CPNE8: variants seen among roughly 807,000 people sequenced by gnomAD.
CPNE8 encodes the protein copine 8, also known as copine-8.
A neutral mutation model predicts 81.5 loss-of-function variants in CPNE8; 45 were observed. The observed-to-expected ratio is 0.55, with a 90% CI of 0.44 to 0.71. The LOEUF (loss-of-function observed/expected upper bound fraction) is 0.71. Among genes scored for constraint, CPNE8 ranks in the 30% least tolerant of loss-of-function variants. The probability of loss-of-function intolerance (pLI) is 0.00; values close to 1 mark genes in which losing one functional copy is unlikely to be tolerated. For missense variants in CPNE8, 594 were observed against 672.1 expected (o/e 0.88, Z 1.28); for synonymous variants, 252 against 226.3 (o/e 1.11, Z -1.02).
At chr12:38,744,450 C>T (rs573320533) in intron 10 of CPNE8, among the ~76,000 whole-genome samples, 15 of 152,302 alleles carry the variant, frequency 9.8e-5, no homozygotes, top group East Asian at 1.9e-4. Flanking sequence ...AAGTCAGCAA[C>T]GCCTTATTCT....
chr12:38,872,213 A>C (rs912246303), intron 3 of CPNE8, among the ~76,000 whole-genome samples: 10 of 152,332 alleles, frequency 6.6e-5, no homozygotes, highest in Admixed American at 3.9e-4. Flanking sequence ...GCTCATTATC[A>C]GTAGAAACAA....
chr12:38,844,566 G>A (rs936843873), intron 4 of CPNE8, among the ~76,000 whole-genome samples: 3 of 152,014 alleles, frequency 2.0e-5, no homozygotes, highest in African/African-American at 7.2e-5. Context: ...ACTTATAGCC[G>A]ATAAGGTAAT....
chr12:38,682,866 T>G (rs1939441708), intron 16 of CPNE8, among the ~76,000 whole-genome samples: 1 of 152,150 alleles, frequency 6.6e-6, no homozygotes, highest in Admixed American at 6.5e-5. Flanking sequence ...GAATACTGGA[T>G]GTTCTTGAAT....
At chr12:38,730,393 T>C (rs1458815562) in intron 10 of CPNE8, 35 bp from the exon 11 acceptor site, 1 of 1,194,308 alleles carries the variant, frequency 8.4e-7, no homozygotes, top group Admixed American at 1.8e-5. Context: ...TAATATTGGC[T>C]TTCATATATT....
chr12:38,765,318 T>C (rs1360459424), intron 8 of CPNE8, among the ~76,000 whole-genome samples: 1 of 152,148 alleles, frequency 6.6e-6, no homozygotes, highest in Non-Finnish European at 1.5e-5. Context: ...TTTTATTGAA[T>C]AACTGGTATT....
intron 3 of CPNE8, among the ~76,000 whole-genome samples, chr12:38,855,828 C>A (rs961612460): frequency 6.6e-6 from 1 of 151,628 alleles, no homozygotes; most frequent in Non-Finnish European, 1.5e-5. Flanking sequence ...ACATTGTATC[C>A]CATAAATATA....
chr12:38,831,407 T>A (rs1426130957), intron 5 of CPNE8, among the ~76,000 whole-genome samples: 1 of 152,082 alleles, frequency 6.6e-6, no homozygotes, highest in African/African-American at 2.4e-5. Flanking sequence ...GGAAAAAAAC[T>A]AGAAGCCAGA....
intron 1 of CPNE8, among the ~76,000 whole-genome samples, chr12:38,879,473 T>C (rs1306287335): frequency 6.6e-6 from 1 of 152,160 alleles, no homozygotes; most frequent in Non-Finnish European, 1.5e-5. Flanking sequence ...CTAAGTATTT[T>C]GTCTATTATA....
chr12:38,799,914 G>A (rs148637213), intron 6 of CPNE8, among the ~76,000 whole-genome samples: 3,263 of 151,782 alleles, frequency 0.021, 121 homozygotes, highest in African/African-American at 0.074. Flanking sequence ...CTGGAAAATC[G>A]GGTCACTCCC....
At chr12:38,767,164 AT>A (rs1485833244) in intron 8 of CPNE8, among the ~76,000 whole-genome samples, 2 of 152,232 alleles carry the variant, frequency 1.3e-5, no homozygotes, top group Admixed American at 1.3e-4. Context: ...TTCAAAATTT[AT>A]AGAAACTAGT....
intron 14 of CPNE8, among the ~76,000 whole-genome samples, chr12:38,702,395 A>G (rs1939969308): frequency 6.6e-6 from 1 of 152,160 alleles, no homozygotes; most frequent in Admixed American, 6.5e-5. Flanking sequence ...ATAAGTAATT[A>G]TTAAAAATTA....
chr12:38,808,249 C>T (rs1255831334), intron 6 of CPNE8, among the ~76,000 whole-genome samples: 1 of 152,146 alleles, frequency 6.6e-6, no homozygotes, highest in Admixed American at 6.5e-5. Flanking sequence ...CATCCTATTA[C>T]TGGTTATATA....
At chr12:38,903,959 A>T (rs1288169186) in intron 1 of CPNE8, among the ~76,000 whole-genome samples, 1 of 152,166 alleles carries the variant, frequency 6.6e-6, no homozygotes, top group Non-Finnish European at 1.5e-5. Flanking sequence ...ATCAGGTGAT[A>T]TAGTTTCAGG....
intron 14 of CPNE8, among the ~76,000 whole-genome samples, chr12:38,701,741 G>A (rs369266617): frequency 4.6e-5 from 7 of 152,030 alleles, no homozygotes; most frequent in East Asian, 1.9e-4. Context: ...TGATCTGCCC[G>A]CCTCAGCCTC....
chr12:38,686,977 C>T lies in CPNE8; in HGVS notation c.1144-1360G>A, dbSNP rs1025908740. On this transcript the variant is annotated intron_variant, in intron 15 of 19. Coordinates refer to ENST00000331366, the MANE Select transcript of CPNE8 (RefSeq NM_153634.3). The stretch of plus-strand genomic sequence containing the variant: ...TTCACACTTGAGAAAAAGAAGATAG[C>T]CTCCACTTCAGGAAGGGGAATATCT... Among the ~76,000 whole-genome samples, 42 of 152,116 alleles carry T rather than the reference C, an allele frequency of 2.8e-4. 1 individual carries two copies. Among genetic ancestry groups the T allele is most frequent in the Non-Finnish European group, 7.4e-5 (5 of 68,026 alleles).
intron 1 of CPNE8, among the ~76,000 whole-genome samples, chr12:38,885,170 T>A (rs1944220690): frequency 6.6e-6 from 1 of 152,186 alleles, no homozygotes; most frequent in Non-Finnish European, 1.5e-5. Context: ...TTTAAACTTA[T>A]ATACAGAAAA....
intron 10 of CPNE8, among the ~76,000 whole-genome samples, chr12:38,748,535 C>T (rs148585455): frequency 0.047 from 7,203 of 151,874 alleles, 577 homozygotes; most frequent in African/African-American, 0.16. Flanking sequence ...GAGTCTCGCT[C>T]TGTCGCCCAG....
At chr12:38,697,423 G>T (rs549952300) in intron 14 of CPNE8, among the ~76,000 whole-genome samples, 2 of 151,966 alleles carry the variant, frequency 1.3e-5, no homozygotes, top group African/African-American at 2.4e-5. Flanking sequence ...TAGACATTTG[G>T]GTTGCTTCCA....
chr12:38,902,232 G>GGAAA (rs71449477), intron 1 of CPNE8, among the ~76,000 whole-genome samples: 3,815 of 89,636 alleles, frequency 0.043, 185 homozygotes, highest in African/African-American at 0.13. Flanking sequence ...AGAGAAAGAA[G>GGAAA]GAAAGAAAGA....
Sources: allele counts gnomAD v4.1 joint callset (sites outside exome capture counted in the v4.1 genomes callset), GRCh38; gene constraint gnomAD v4.1.1; transcripts MANE v1.5; gene names NCBI Gene and HGNC (gene_info 2026-07-23, HGNC 2026-07-21).